The following CNTN5 variants were observed in gnomAD, a reference collection of about 807,000 sequenced individuals.
The protein encoded by CNTN5 is contactin 5.
Under a neutral mutation model 129.1 loss-of-function variants are expected in CNTN5, and 77 were observed. The observed-to-expected ratio is 0.60, with a 90% confidence interval of 0.50 to 0.72. CNTN5 has a LOEUF of 0.72. Ranked by LOEUF, CNTN5 falls within the 30% of genes least tolerant of loss-of-function variation. CNTN5 has a pLI of 0.00. For synonymous variants in CNTN5, 509 were observed against 465.6 expected (o/e 1.09, Z -1.20); for missense variants, 1,478 against 1,328.8 (o/e 1.11, Z -1.75).
At chr11:99,024,381 A>G (rs1432292620) in intron 1 of CNTN5, among the ~76,000 whole-genome samples, 1 of 152,168 alleles carries the variant, frequency 6.6e-6, no homozygotes, top group Non-Finnish European at 1.5e-5. Context: ...CAGTGGCTAT[A>G]AAAGCAATTT....
At chr11:100,193,685 C>T in intron 15 of CNTN5, 22 bp downstream of exon 15, 2 of 1,592,520 alleles carry the variant, frequency 1.3e-6, no homozygotes, top group Non-Finnish European at 1.7e-6. Context: ...CACTTTTATT[C>T]TTTTAGTAAT....
intron 9 of CNTN5, among the ~76,000 whole-genome samples, chr11:100,036,448 C>T (rs578035241): frequency 2.1e-4 from 31 of 150,772 alleles, no homozygotes; most frequent in South Asian, 1.3e-3. Flanking sequence ...CTTGGCGATG[C>T]GGGCTCTTTT....
chr11:99,705,161 C>T (rs1022326096), intron 3 of CNTN5, among the ~76,000 whole-genome samples: 1 of 151,076 alleles, frequency 6.6e-6, no homozygotes, highest in South Asian at 2.1e-4. Flanking sequence ...CATACATATT[C>T]TTATTCTGTC....
intron 13 of CNTN5, among the ~76,000 whole-genome samples, chr11:100,169,451 T>C (rs1417043017): frequency 6.6e-6 from 1 of 151,970 alleles, no homozygotes; most frequent in Non-Finnish European, 1.5e-5. Flanking sequence ...CACCACAGCC[T>C]TCAACAGCCA....
At chr11:99,942,723 T>A (rs1315387088) in intron 7 of CNTN5, among the ~76,000 whole-genome samples, 1 of 152,026 alleles carries the variant, frequency 6.6e-6, no homozygotes, top group African/African-American at 2.4e-5. Context: ...TCCCCCTCCC[T>A]ATGTCCATGT....
At chr11:100,070,696 A>G (rs1943887594) in intron 11 of CNTN5, 136 bp downstream of exon 11, 2 of 673,612 alleles carry the variant, frequency 3.0e-6, no homozygotes, top group South Asian at 4.3e-5. Context: ...TGTGTTAAGG[A>G]TGAATGTTAC....
At chr11:99,169,532 G>C (rs1032695424) in intron 1 of CNTN5, among the ~76,000 whole-genome samples, 1 of 152,100 alleles carries the variant, frequency 6.6e-6, no homozygotes, top group African/African-American at 2.4e-5. Context: ...TGAAACCTAT[G>C]AGCCATTAAT....
intron 1 of CNTN5, among the ~76,000 whole-genome samples, chr11:99,257,815 T>C (rs771649715): frequency 1.3e-5 from 2 of 152,046 alleles, no homozygotes; most frequent in Admixed American, 6.6e-5. Context: ...AACAAAAGTA[T>C]GAGAGGATCA....
Position 99,651,150 on chromosome 11 carries a change from A to G in CNTN5, c.55+94881A>G, listed in dbSNP as rs114355026. ...AGCATAAAATGCAAGATACAGGTGA[A>G]TAATTTGAGGACATATATCACAGCT... is the stretch of plus-strand genomic sequence containing the variant. On this transcript the variant is annotated intron_variant, in intron 3 of 24. Coordinates refer to ENST00000524871, the MANE Select transcript of CNTN5 (RefSeq NM_014361.4). 3.4e-3 allele frequency among the ~76,000 whole-genome samples: 514 copies of G among 152,138 alleles called. 6 individuals are homozygous for G. The highest frequency in any genetic ancestry group is 0.012 in the African/African-American group (495 of 41,552).
intron 21 of CNTN5, among the ~76,000 whole-genome samples, chr11:100,314,144 T>G (rs1343524885): frequency 6.6e-6 from 1 of 152,160 alleles, no homozygotes; most frequent in African/African-American, 2.4e-5. Flanking sequence ...AGCACCTTAC[T>G]TGATGTGGAA....
chr11:99,636,147 C>A (rs1231060744), intron 3 of CNTN5, among the ~76,000 whole-genome samples: 1 of 151,612 alleles, frequency 6.6e-6, no homozygotes, highest in Middle Eastern at 3.2e-3. Flanking sequence ...TATGCATATA[C>A]CAATGGACAC....
intron 1 of CNTN5, among the ~76,000 whole-genome samples, chr11:99,213,219 G>A (rs199723573): frequency 2.1e-5 from 2 of 96,386 alleles, no homozygotes; most frequent in African/African-American, 3.7e-5. Flanking sequence ...ATATGTGTGT[G>A]TATATATATA....
At chr11:99,567,331 T>C (rs1444819360) in intron 3 of CNTN5, among the ~76,000 whole-genome samples, 2 of 151,970 alleles carry the variant, frequency 1.3e-5, no homozygotes, top group Non-Finnish European at 2.9e-5. Flanking sequence ...GCTTCTAATG[T>C]CAGCTGTATT....
chr11:100,060,410 CAG>C (rs1441204535), intron 9 of CNTN5, among the ~76,000 whole-genome samples: 1 of 151,646 alleles, frequency 6.6e-6, no homozygotes, highest in Admixed American at 6.6e-5. Context: ...AATAACAAAA[CAG>C]AAATATTACA....
chr11:99,245,663 GA>G (rs1861780280), intron 1 of CNTN5, among the ~76,000 whole-genome samples: 1 of 152,056 alleles, frequency 6.6e-6, no homozygotes, highest in Non-Finnish European at 1.5e-5. Flanking sequence ...GTAGAGACCA[GA>G]AAACAGCTTT....
At chr11:99,862,673 A>G (rs1412049450) in intron 6 of CNTN5, among the ~76,000 whole-genome samples, 4 of 152,080 alleles carry the variant, frequency 2.6e-5, no homozygotes, top group Non-Finnish European at 5.9e-5. Flanking sequence ...CAAATGGTAA[A>G]TCACTGGTAA....
At chr11:100,053,631 A>C (rs1053159239) in intron 9 of CNTN5, among the ~76,000 whole-genome samples, 3 of 151,766 alleles carry the variant, frequency 2.0e-5, no homozygotes, top group African/African-American at 7.2e-5. Context: ...AGACATGTTA[A>C]ATTATACAGG....
At chr11:99,601,422 A>G (rs968432166) in intron 3 of CNTN5, among the ~76,000 whole-genome samples, 6 of 152,086 alleles carry the variant, frequency 3.9e-5, no homozygotes, top group Admixed American at 3.9e-4. Flanking sequence ...AATATTTGTC[A>G]TCCCTCAAGC....
At chr11:100,028,692 T>C (rs1032847021) in intron 9 of CNTN5, among the ~76,000 whole-genome samples, 6 of 152,174 alleles carry the variant, frequency 3.9e-5, no homozygotes, top group Non-Finnish European at 7.3e-5. Context: ...TGAAAATAGA[T>C]GGTAGAAAAT....
Sources: gnomAD v4.1 joint callset for allele counts (sites outside exome capture counted in the v4.1 genomes callset) on GRCh38, gnomAD v4.1.1 for gene constraint, MANE v1.5 for transcripts, NCBI Gene and HGNC (gene_info 2026-07-23, HGNC 2026-07-21) for gene names.